The following NIPAL2 variants were observed in gnomAD, a reference collection of about 807,000 sequenced individuals.
The protein encoded by NIPAL2 is NIPA-like protein 2.
A neutral mutation model predicts 48.9 loss-of-function variants in NIPAL2; 43 were observed. That is an observed-to-expected ratio of 0.88 (90% CI 0.69 to 1.13). NIPAL2 has a LOEUF of 1.13. Ranked by LOEUF, NIPAL2 falls within the 50% of genes most tolerant of loss-of-function variation. NIPAL2 has a pLI of 0.00. For missense variants in NIPAL2, 446 were observed against 461.4 expected, an observed-to-expected ratio of 0.97 and a Z score of 0.31; for synonymous variants, 167 against 174.6, an observed-to-expected ratio of 0.96 and a Z score of 0.34.
chr8:98,275,835 A>C (rs1357140984), intron 1 of NIPAL2, among the ~76,000 whole-genome samples: 1 of 152,194 alleles, frequency 6.6e-6, no homozygotes, highest in Admixed American at 6.5e-5. Flanking sequence ...TTTTAACTAC[A>C]ATCTTTCTTC....
intron 1 of NIPAL2, among the ~76,000 whole-genome samples, chr8:98,255,219 T>C (rs1052133833): frequency 2.6e-5 from 4 of 152,260 alleles, no homozygotes; most frequent in African/African-American, 9.6e-5. Flanking sequence ...ATGTTTATCA[T>C]AGATAGCTCA....
chr8:98,207,161 C>G (rs1477084129), intron 6 of NIPAL2, among the ~76,000 whole-genome samples: 1 of 152,160 alleles, frequency 6.6e-6, no homozygotes, highest in African/African-American at 2.4e-5. Context: ...CGTACTGTTC[C>G]ATTAGCCTCA....
intron 4 of NIPAL2, among the ~76,000 whole-genome samples, chr8:98,226,052 G>C (rs1445198415): frequency 1.3e-5 from 2 of 151,804 alleles, no homozygotes; most frequent in African/African-American, 4.8e-5. Context: ...CAGAATTTCT[G>C]CTTGATTCTT....
intron 7 of NIPAL2, 126 bp from the exon 8 acceptor site, chr8:98,203,322 G>T: frequency 4.2e-6 from 3 of 708,890 alleles, no homozygotes; most frequent in Non-Finnish European, 7.5e-6. Flanking sequence ...CAGTGAAAGG[G>T]CATTTCCAAT....
chr8:98,280,757 T>TAGAGAGAGAGAGAGAG (rs1225269994), intron 1 of NIPAL2, among the ~76,000 whole-genome samples: 1 of 29,312 alleles, frequency 3.4e-5, no homozygotes, highest in Non-Finnish European at 8.0e-5. Context: ...TATATATATA[T>TAGAGAGAGAGAGAGAG]ATATAGAGAG....
At chr8:98,205,050 T>C in intron 7 of NIPAL2, 61 bp downstream of exon 7, 2 of 1,560,750 alleles carry the variant, frequency 1.3e-6, no homozygotes, top group Non-Finnish European at 1.8e-6. Flanking sequence ...CCAGTAAAGA[T>C]TAATGCCCAG....
intron 5 of NIPAL2, among the ~76,000 whole-genome samples, chr8:98,218,922 G>A (rs1287187597): frequency 6.6e-6 from 1 of 152,180 alleles, no homozygotes; most frequent in Admixed American, 6.5e-5. Flanking sequence ...AGCAGGGGGA[G>A]GCAGCCTTAT....
intron 5 of NIPAL2, among the ~76,000 whole-genome samples, chr8:98,218,211 C>T (rs1170403603): frequency 2.0e-5 from 3 of 152,126 alleles, no homozygotes; most frequent in African/African-American, 7.2e-5. Flanking sequence ...GGCTATGTGA[C>T]CCTTTTCTTA....
intron 1 of NIPAL2, among the ~76,000 whole-genome samples, chr8:98,280,500 C>T (rs939264823): frequency 3.3e-5 from 5 of 151,698 alleles, no homozygotes; most frequent in African/African-American, 1.2e-4. Context: ...ATGGCCTGTA[C>T]ACACCAGGGG....
intron 1 of NIPAL2, among the ~76,000 whole-genome samples, chr8:98,280,246 C>T (rs1166976046): frequency 1.3e-5 from 2 of 152,172 alleles, no homozygotes; most frequent in Non-Finnish European, 2.9e-5. Flanking sequence ...AAAATCAGAT[C>T]CCAGTGGAGC....
chr8:98,273,101 T>C (rs1444220176), intron 1 of NIPAL2, among the ~76,000 whole-genome samples: 3 of 152,218 alleles, frequency 2.0e-5, no homozygotes, highest in African/African-American at 7.2e-5. Flanking sequence ...TGCCCCAAAG[T>C]GGAAATGACC....
chr8:98,214,299 G>A (rs1487581495), intron 5 of NIPAL2, among the ~76,000 whole-genome samples: 2 of 151,966 alleles, frequency 1.3e-5, no homozygotes, highest in African/African-American at 4.8e-5. Flanking sequence ...AAGTAGCTGG[G>A]ATTATGGGTG....
At chr8:98,236,080 A>G in intron 4 of NIPAL2, 75 bp downstream of exon 4, 3 of 1,067,922 alleles carry the variant, frequency 2.8e-6, no homozygotes, top group Non-Finnish European at 4.2e-6. Flanking sequence ...TTTATCGCAC[A>G]TATTTTTTAT....
intron 9 of NIPAL2, 76 bp downstream of exon 9, chr8:98,195,866 C>A (rs998011114): frequency 5.0e-6 from 5 of 1,001,302 alleles, no homozygotes; most frequent in Non-Finnish European, 7.6e-6. Context: ...ATTTTCTATA[C>A]CTCCGGTACA....
intron 4 of NIPAL2, among the ~76,000 whole-genome samples, chr8:98,224,337 T>G (rs1205213911): frequency 2.6e-5 from 4 of 151,406 alleles, no homozygotes; most frequent in Non-Finnish European, 4.4e-5. Flanking sequence ...GTACATGAGG[T>G]TTTTTTTTAC....
chr8:98,286,827 AAAAAAAAC>A (rs1418754378), intron 1 of NIPAL2, among the ~76,000 whole-genome samples: 4 of 149,472 alleles, frequency 2.7e-5, no homozygotes, highest in African/African-American at 1.0e-4. Flanking sequence ...AAAAAAAAAA[AAAAAAAAC>A]CAAAAACAAA....
chr8:98,231,143 T>C (rs1812421839), intron 4 of NIPAL2, among the ~76,000 whole-genome samples: 1 of 152,142 alleles, frequency 6.6e-6, no homozygotes, highest in Admixed American at 6.5e-5. Context: ...CATTTGGAAA[T>C]ACCCTCCCAT....
intron 1 of NIPAL2, among the ~76,000 whole-genome samples, chr8:98,292,558 CAG>C (rs1192738844): frequency 6.6e-6 from 1 of 152,146 alleles, no homozygotes; most frequent in African/African-American, 2.4e-5. Context: ...GCCTTGCAAA[CAG>C]TATTTATTTG....
intron 1 of NIPAL2, among the ~76,000 whole-genome samples, chr8:98,262,047 G>A (rs1458808891): frequency 1.5e-5 from 2 of 134,800 alleles, no homozygotes. Flanking sequence ...AAGCGAAGGA[G>A]AAATAAAATA....
Sources: allele counts gnomAD v4.1 joint callset (sites outside exome capture counted in the v4.1 genomes callset), GRCh38; gene constraint gnomAD v4.1.1; transcripts MANE v1.5; gene names NCBI Gene and HGNC (gene_info 2026-07-23, HGNC 2026-07-21).